The following DDX10 variants were observed in gnomAD, a reference collection of about 807,000 sequenced individuals.
DDX10 encodes the protein probable ATP-dependent RNA helicase DDX10.
DDX10 carries 74 observed loss-of-function variants against 104.3 expected under a neutral mutation model. That is an observed-to-expected ratio of 0.71 (90% CI 0.59 to 0.86). The LOEUF (loss-of-function observed/expected upper bound fraction) is 0.86, where lower values mean the gene tolerates loss of function less well. Ranked by LOEUF, DDX10 falls within the 40% of genes least tolerant of loss-of-function variation. DDX10 has a pLI of 0.00. For missense variants in DDX10, 952 were observed against 1,040.0 expected (o/e 0.92, Z 1.16); for synonymous variants, 351 against 353.4 (o/e 0.99, Z 0.08).
In DDX10 at chr11:108,799,547, G is replaced by A. The variant is rs577084853; in HGVS notation, c.1966-38899G>A. Among the ~76,000 whole-genome samples the A allele has an allele frequency of 4.1e-4, 63 of 152,208 alleles. 1 individual carries two copies. Among genetic ancestry groups the A allele is most frequent in the Non-Finnish European group, 8.1e-4 (55 of 68,042 alleles). ...CTTAGTTTTCCCAAGGTTGGTACATGAATGTTAACATTCTAGATGTGGAAG... is the reference window on the plus strand; with the variant it reads ...CTTAGTTTTCCCAAGGTTGGTACATAAATGTTAACATTCTAGATGTGGAAG... On this transcript the variant is annotated intron_variant, in intron 13 of 17. Transcript: ENST00000322536.
intron 13 of DDX10, among the ~76,000 whole-genome samples, chr11:108,733,938 GT>G (rs2134487871): frequency 6.6e-6 from 1 of 152,002 alleles, no homozygotes; most frequent in Non-Finnish European, 1.5e-5. Flanking sequence ...ATTCTTCCCA[GT>G]TTCCACTTAA....
chr11:108,791,873 A>G (rs1242425560), intron 13 of DDX10, among the ~76,000 whole-genome samples: 1 of 152,216 alleles, frequency 6.6e-6, no homozygotes, highest in African/African-American at 2.4e-5. Flanking sequence ...CTGTTTTTCA[A>G]AGTGGCTGTG....
At chr11:108,917,447 A>G (rs7930675) in intron 16 of DDX10, among the ~76,000 whole-genome samples, 122,932 of 151,904 alleles carry the variant, frequency 0.81, 49,995 homozygotes, top group South Asian at 0.88. Context: ...CTGGTGTGCA[A>G]TGGCTATTCA....
At chr11:108,864,750 G>A (rs184206194) in intron 16 of DDX10, among the ~76,000 whole-genome samples, 26 of 152,228 alleles carry the variant, frequency 1.7e-4, no homozygotes, top group South Asian at 4.2e-4. Flanking sequence ...GTGAGCCACC[G>A]TGCCTGGCAA....
At chr11:108,709,867 T>G (rs1481875674) in intron 10 of DDX10, among the ~76,000 whole-genome samples, 1 of 152,204 alleles carries the variant, frequency 6.6e-6, no homozygotes, top group African/African-American at 2.4e-5. Flanking sequence ...AGATGATTGA[T>G]TTTTAGGTAC....
chr11:108,813,497 C>G (rs1862215003), intron 13 of DDX10, among the ~76,000 whole-genome samples: 1 of 152,122 alleles, frequency 6.6e-6, no homozygotes, highest in Non-Finnish European at 1.5e-5. Context: ...TGATGACATG[C>G]AAATAACTTG....
In DDX10 at chr11:108,688,819, G is replaced by C. The variant is rs1354377337; in HGVS notation, c.849-117G>C. 1.6e-5 allele frequency: 17 copies of C among 1,091,198 alleles called. No homozygotes were observed. In the East Asian group the frequency reaches 3.6e-4, roughly 23 times the overall value. 67.6% of individuals were successfully genotyped at this position (1,091,198 alleles called of 1,614,324 possible). A position where few individuals can be genotyped will look rare whatever the true frequency, so the allele number is the denominator to read the frequency against. On this transcript the variant is annotated intron_variant, in intron 6 of 17. Transcript: ENST00000322536. ...GAAAAATTCTTTTTTTGGTGTATGT[G>C]TGTAGGAAATTTGCTTGAGAGATGT...
At chr11:108,678,513 G>T in intron 5 of DDX10, 78 bp downstream of exon 5, 2 of 1,293,378 alleles carry the variant, frequency 1.5e-6, no homozygotes, top group South Asian at 2.1e-5. Flanking sequence ...TTTTATGATA[G>T]AAATTTTATG....
intron 13 of DDX10, among the ~76,000 whole-genome samples, chr11:108,758,039 T>C (rs1350658320): frequency 1.3e-5 from 2 of 151,984 alleles, no homozygotes; most frequent in Non-Finnish European, 2.9e-5. Flanking sequence ...CGCTTCTTCT[T>C]TTACGCCATA....
chr11:108,757,867 C>G lies in DDX10; in HGVS notation c.1965+34405C>G, dbSNP rs143997636. On this transcript the variant is annotated intron_variant, in intron 13 of 17. Transcript: ENST00000322536. ...TCGACTCTGTGATCGATCTCTTAAC[C>G]TTTTCCTTTTTTGTTTTGGTTTTAT... is the stretch of plus-strand genomic sequence containing the variant. Among the ~76,000 whole-genome samples, 1,155 of 152,124 alleles carry G rather than the reference C, an allele frequency of 7.6e-3. 14 individuals carry two copies. The highest frequency in any genetic ancestry group is 0.025 in the African/African-American group (1,048 of 41,520).
intron 17 of DDX10, among the ~76,000 whole-genome samples, chr11:108,929,188 G>A (rs906389802): frequency 2.6e-5 from 4 of 152,288 alleles, no homozygotes; most frequent in Admixed American, 2.6e-4. Context: ...GCCCCTCATA[G>A]AGCGTACGCT....
chr11:108,905,616 C>A (rs1224659988), intron 16 of DDX10, among the ~76,000 whole-genome samples: 1 of 152,016 alleles, frequency 6.6e-6, no homozygotes, highest in African/African-American at 2.4e-5. Flanking sequence ...TTTTTTGTAG[C>A]GATGTGTGCC....
At chr11:108,800,442 C>CAAAAAAAAAAA (rs61200843) in intron 13 of DDX10, among the ~76,000 whole-genome samples, 12 of 94,406 alleles carry the variant, frequency 1.3e-4, no homozygotes, top group African/African-American at 4.9e-4. Flanking sequence ...GAGACTCTTT[C>CAAAAAAAAAAA]AAAAAAAAAA....
At chr11:108,709,791 G>A (rs752390963) in intron 10 of DDX10, among the ~76,000 whole-genome samples, 15 of 151,280 alleles carry the variant, frequency 9.9e-5, no homozygotes, top group Non-Finnish European at 1.6e-4. Context: ...TTCTACTCTA[G>A]TTCTTATTTA....
intron 13 of DDX10, among the ~76,000 whole-genome samples, chr11:108,809,397 G>A (rs754855001): frequency 5.9e-5 from 9 of 152,176 alleles, no homozygotes; most frequent in Non-Finnish European, 8.8e-5. Flanking sequence ...TTGAGCATAC[G>A]TATCCTTACA....
At chr11:108,934,179 G>A (rs1864008606) in intron 17 of DDX10, among the ~76,000 whole-genome samples, 1 of 152,182 alleles carries the variant, frequency 6.6e-6, no homozygotes, top group African/African-American at 2.4e-5. Flanking sequence ...GATGGTTGTA[G>A]AAGCCCTAGA....
intron 6 of DDX10, among the ~76,000 whole-genome samples, chr11:108,685,882 C>G (rs1291491407): frequency 6.6e-6 from 1 of 152,026 alleles, no homozygotes; most frequent in Admixed American, 6.5e-5. Context: ...TTTAAGATTC[C>G]TTTGCATTTC....
At chr11:108,909,449 C>T (rs1455554916) in intron 16 of DDX10, among the ~76,000 whole-genome samples, 2 of 144,624 alleles carry the variant, frequency 1.4e-5, no homozygotes, top group East Asian at 2.1e-4. Context: ...TGTCCTGTGC[C>T]CCACTCCCGC....
chr11:108,820,835 T>C (rs1193640205), intron 13 of DDX10, among the ~76,000 whole-genome samples: 1 of 152,220 alleles, frequency 6.6e-6, no homozygotes, highest in African/African-American at 2.4e-5. Flanking sequence ...CTAGGGCCTG[T>C]GAATCAGTTT....
Sources: allele counts gnomAD v4.1 joint callset (sites outside exome capture counted in the v4.1 genomes callset), GRCh38; gene constraint gnomAD v4.1.1; transcripts MANE v1.5; gene names NCBI Gene and HGNC (gene_info 2026-07-23, HGNC 2026-07-21).